The following THOC2 variants were observed in gnomAD, a reference collection of about 807,000 sequenced individuals.
THOC2 encodes the protein THO complex 2.
A neutral mutation model predicts 128.4 loss-of-function variants in THOC2; 10 were observed. The ratio of observed to expected loss-of-function variants is 0.08; its 90% confidence interval spans 0.05 to 0.13. The LOEUF (loss-of-function observed/expected upper bound fraction) is 0.13. Ranked by LOEUF, THOC2 falls within the 10% of genes least tolerant of loss-of-function variation. The pLI is 1.00. For synonymous variants in THOC2, 393 were observed against 396.9 expected, an observed-to-expected ratio of 0.99 and a Z score of 0.12; for missense variants, 535 against 1,155.7, an observed-to-expected ratio of 0.46 and a Z score of 7.79.
At position 123,694,119 on chromosome X, in the gene THOC2, C is replaced by T. The variant is rs532703206; in HGVS notation, c.601+1902G>A. Among the ~76,000 whole-genome samples the T allele has an allele frequency of 1.0e-4, 11 of 106,987 alleles. No homozygotes were observed. The South Asian group carries it at 3.2e-3, about 31-fold the overall frequency. 92.9% of individuals were successfully genotyped at this position (106,987 alleles called of 115,157 possible). ...AAAGGAATAAAAAGGTATAAACTCA[C>T]AAGAAATAGAAGAAACAGATGTCAA... is the stretch of plus-strand genomic sequence containing the variant. On this transcript the variant is annotated intron_variant, in intron 7 of 38. Coordinates refer to ENST00000245838, the MANE Select transcript of THOC2 (RefSeq NM_001081550.2).
Position 123,647,044 on chromosome X carries a change from T to A in THOC2, c.1387-1669A>T, listed in dbSNP as rs1353558730. Among the ~76,000 whole-genome samples, 4 of 111,832 alleles carry A rather than the reference T, an allele frequency of 3.6e-5. No homozygotes were observed. In the Admixed American group the frequency reaches 3.8e-4, roughly 11 times the overall value. On this transcript the variant is annotated intron_variant, in intron 12 of 38. Transcript: ENST00000245838. ...TATTTACTAAGTTGTCCTAACTCCCTTTCTAGGTGACTCATATGAGTTTCA... is the reference window on the plus strand; with the variant it reads ...TATTTACTAAGTTGTCCTAACTCCCATTCTAGGTGACTCATATGAGTTTCA...
chrX:123,662,356 G>A (rs1186548377), intron 12 of THOC2, among the ~76,000 whole-genome samples: 1 of 110,592 alleles, frequency 9.0e-6, no homozygotes, highest in Non-Finnish European at 1.9e-5. Flanking sequence ...GGAGACCGAG[G>A]TGGGCAGATC....
intron 1 of THOC2, among the ~76,000 whole-genome samples, chrX:123,730,578 C>G (rs1430311209): frequency 8.9e-6 from 1 of 112,225 alleles, no homozygotes; most frequent in East Asian, 2.8e-4. Context: ...TCCATTTTAT[C>G]TAAGTATTTC....
intron 15 of THOC2, among the ~76,000 whole-genome samples, chrX:123,643,220 C>A (rs749473623): frequency 3.4e-4 from 38 of 110,974 alleles, no homozygotes; most frequent in African/African-American, 1.2e-3. Context: ...TAAGTAGGCT[C>A]AGTACATCTG....
intron 8 of THOC2, among the ~76,000 whole-genome samples, chrX:123,680,434 G>A (rs1041122102): frequency 2.7e-5 from 3 of 110,392 alleles, no homozygotes; most frequent in African/African-American, 9.9e-5. Flanking sequence ...CCCCCTCTCC[G>A]AGAAACACCC....
rs754685553 is a variant in THOC2, at chrX:123,614,064, T to G, written c.4437A>C (p.Lys1479Asn). Residue 1479 changes from lysine to asparagine, a missense_variant, in exon 34 of 39, where the codon AAA (lysine) becomes AAC (asparagine). Physicochemically the swap from Lys to Asn is moderately conservative, Grantham distance 94 (BLOSUM62 0). This residue lies in a region of THOC2 where 39 missense variants were observed against 93.1 expected (regional missense o/e 0.42). Transcript: ENST00000245838. ...EREKKDEKDR[K>N]ERKRDHSNND... ...AAATTTTACAAACCCTTTTCCGCTC[T>G]TTCCTGTCCTTTTCATCTTTTTTCT... 1 of 1,199,880 alleles carries G rather than the reference T, an allele frequency of 8.3e-7. No individual in the cohort carries two copies. The highest frequency in any genetic ancestry group is 2.3e-5 in the Admixed American group (1 of 44,366).
At chrX:123,710,928 T>C (rs1241893672) in intron 2 of THOC2, among the ~76,000 whole-genome samples, 1 of 101,725 alleles carries the variant, frequency 9.8e-6, no homozygotes, top group African/African-American at 3.6e-5. Flanking sequence ...AGACAGAGGT[T>C]GCTGTGAGCC....
intron 18 of THOC2, among the ~76,000 whole-genome samples, chrX:123,637,646 G>A (rs1308582820): frequency 9.0e-6 from 1 of 111,072 alleles, no homozygotes; most frequent in Non-Finnish European, 1.9e-5. Context: ...TGTAATCCCA[G>A]CTACTCGGGA....
chrX:123,667,850 A>T (rs1417645219), intron 10 of THOC2, among the ~76,000 whole-genome samples: 2 of 111,238 alleles, frequency 1.8e-5, no homozygotes, highest in Non-Finnish European at 3.8e-5. Flanking sequence ...ACCAGAATTC[A>T]TCATCTCTGA....
chrX:123,615,473 T>C (rs1434529712), intron 33 of THOC2, among the ~76,000 whole-genome samples: 2 of 110,776 alleles, frequency 1.8e-5, no homozygotes, highest in Non-Finnish European at 3.8e-5. Flanking sequence ...TAAAAATACT[T>C]GTCTAAAAGA....
intron 8 of THOC2, among the ~76,000 whole-genome samples, chrX:123,684,598 G>A (rs934575519): frequency 9.0e-6 from 1 of 111,527 alleles, no homozygotes; most frequent in African/African-American, 3.3e-5. Flanking sequence ...ATGTTGGCCA[G>A]GCTGGTCTCA....
In THOC2 at chrX:123,644,899, A is replaced by T; in HGVS notation, c.1439T>A (p.Leu480His). ...QEDKEKTEVI[L>H]SCLLSITDQV... ...GTCAGTAATGCTAAGCAAACAGCTA[A>T]GGATAACTTCCTAAAAGAAAGAAGG... Residue 480 changes from leucine (L) to histidine (H), a missense_variant, in exon 14 of 39, where the codon CTT becomes CAT. Transcript: ENST00000245838. 1 of 1,198,269 alleles carries T rather than the reference A, an allele frequency of 8.3e-7. No individual in the cohort carries two copies. The highest frequency in any genetic ancestry group is 1.1e-6 in the Non-Finnish European group (1 of 889,524).
At chrX:123,609,570 T>C (rs779311059) in intron 38 of THOC2, among the ~76,000 whole-genome samples, 2 of 112,052 alleles carry the variant, frequency 1.8e-5, no homozygotes, top group Non-Finnish European at 3.8e-5. Flanking sequence ...GCCTTGGTTA[T>C]CTATCTGGTC....
chrX:123,645,949 CAA>C (rs34625161), intron 12 of THOC2, among the ~76,000 whole-genome samples: 4 of 90,970 alleles, frequency 4.4e-5, no homozygotes, highest in Non-Finnish European at 4.4e-5. Context: ...ACAACAAGAG[CAA>C]AAAAAAAAAA....
chrX:123,732,656 G>A (rs1180738773), intron 1 of THOC2, among the ~76,000 whole-genome samples: 2 of 111,988 alleles, frequency 1.8e-5, no homozygotes, highest in African/African-American at 6.5e-5. Context: ...CACAAAAAGA[G>A]ACCAAGAGGG....
rs777676959 is a variant in THOC2, at chrX:123,616,680, T to G, written c.4312-2491A>C. On this transcript the variant is annotated intron_variant, in intron 33 of 38. Transcript: ENST00000245838. ...TAATGGAACCTGTTTTTTGTTTTTT[T>G]TTTTTTAACACTATCTTCATCAAAA... Among the ~76,000 whole-genome samples, 176 of 109,316 alleles carry G rather than the reference T, an allele frequency of 1.6e-3. 1 individual carries two copies. Among genetic ancestry groups the G allele is most frequent in the Admixed American group, 3.7e-3 (38 of 10,208 alleles). The allele number at this position is 109,316 out of a possible 115,157, so 94.9% of individuals were successfully genotyped here.
At chrX:123,624,906 G>A (rs2047204495) in intron 25 of THOC2, among the ~76,000 whole-genome samples, 1 of 109,532 alleles carries the variant, frequency 9.1e-6, no homozygotes. Flanking sequence ...CTGATTTACA[G>A]TGACAAGGAA....
chrX:123,715,337 C>T (rs1203299194), intron 1 of THOC2, among the ~76,000 whole-genome samples: 1 of 110,294 alleles, frequency 9.1e-6, no homozygotes, highest in African/African-American at 3.3e-5. Context: ...GGAGCCAGGC[C>T]TATAAATGCC....
At chrX:123,606,286 A>AAAAGAAAG (rs1204784684) in intron 38 of THOC2, among the ~76,000 whole-genome samples, 1 of 108,253 alleles carries the variant, frequency 9.2e-6, no homozygotes, top group African/African-American at 3.4e-5. Context: ...AAAAAAAAAA[A>AAAAGAAAG]AAAGAAAGAA....
Sources: allele counts gnomAD v4.1 joint callset (sites outside exome capture counted in the v4.1 genomes callset), GRCh38; gene constraint gnomAD v4.1.1; regional missense constraint gnomAD v4.1.1; transcripts MANE v1.5; gene names NCBI Gene and HGNC (gene_info 2026-07-23, HGNC 2026-07-21).